The following WNK2 variants were observed in gnomAD, a reference collection of about 807,000 sequenced individuals.
WNK2 encodes WNK lysine deficient protein kinase 2.
Under a neutral mutation model 192.1 loss-of-function variants are expected in WNK2, and 67 were observed. The ratio of observed to expected loss-of-function variants is 0.35; its 90% confidence interval spans 0.29 to 0.43. WNK2 has a LOEUF of 0.43. WNK2 is among the 20% of genes least tolerant of loss of function. WNK2 has a pLI of 1.00. For missense variants in WNK2, 2,698 were observed against 3,089.7 expected, an observed-to-expected ratio of 0.87 and a Z score of 3.01; for synonymous variants, 1,439 against 1,393.9, an observed-to-expected ratio of 1.03 and a Z score of -0.72.
intron 23 of WNK2, among the ~76,000 whole-genome samples, chr9:93,296,456 T>TACCTTCCTCCTTCTCCATCCTC (rs1362408960): frequency 4.4e-5 from 1 of 22,916 alleles, no homozygotes. Context: ...ATCCTCCCCT[T>TACCTTCCTCCTTCTCCATCCTC]ACCTTCCTCC....
chr9:93,285,081 T>A (rs1031297605), intron 19 of WNK2, among the ~76,000 whole-genome samples: 2 of 152,246 alleles, frequency 1.3e-5, no homozygotes, highest in African/African-American at 4.8e-5. Context: ...TATTTTTTGT[T>A]AAGAATTTGG....
intron 29 of WNK2, 121 bp downstream of exon 29, chr9:93,317,752 C>T: frequency 4.8e-6 from 7 of 1,469,156 alleles, no homozygotes; most frequent in Non-Finnish European, 5.5e-6. Flanking sequence ...CAGCTGGGGG[C>T]ACAGGGCAGC....
In WNK2 at chr9:93,297,865, G is replaced by C; in HGVS notation, c.5721G>C (p.Glu1907Asp). 6.3e-7 allele frequency: 1 copy of C among 1,583,138 alleles called. No homozygotes were observed. Among genetic ancestry groups the C allele is most frequent in the East Asian group, 2.3e-5 (1 of 42,858 alleles). Residue 1907 changes from glutamate (E) to aspartate (D), a missense_variant, in exon 24 of 30, where the codon GAG (glutamate) becomes GAC (aspartate). Physicochemically the swap from Glu to Asp is conservative, Grantham distance 45. Transcript: ENST00000427277. ...TCCCCTCCTGCAGGCACCTGAAGGA[G>C]ATCTCGGAGCTGCAGAGCCAGCAGA... The part of the protein sequence containing the change: ...LQSLREKHLK[E>D]ISELQSQQKQ...
At position 93,317,525 on chromosome 9, in the gene WNK2, C is replaced by T. The variant is rs185607629; in HGVS notation, c.6522C>T (p.Thr2174=). ...WAAPGEARAM[T]APRAGVGMPR... is the part of the protein sequence containing the mutation. ...CTCGTCTCTGTGTTTTGTAGATGAC[C>T]GCACCTCGAGCAGGAGTGGGGATGC... The change falls in exon 29 of 30, where the codon ACC becomes ACT. Residue 2174 remains threonine, a synonymous_variant. Coordinates refer to ENST00000427277, the MANE Select transcript of WNK2 (RefSeq NM_006648.4). 133 of 1,613,638 alleles carry T rather than the reference C, an allele frequency of 8.2e-5. No homozygotes were observed. In the African/African-American group the frequency reaches 9.6e-4, roughly 12 times the overall value.
chr9:93,199,732 A>C (rs1831977501), intron 2 of WNK2, among the ~76,000 whole-genome samples: 1 of 151,916 alleles, frequency 6.6e-6, no homozygotes, highest in Non-Finnish European at 1.5e-5. Flanking sequence ...CCCCGTCTCT[A>C]CTAAAAATAC....
chr9:93,282,748 G>C (rs948253684), intron 19 of WNK2, among the ~76,000 whole-genome samples: 1 of 152,174 alleles, frequency 6.6e-6, no homozygotes, highest in Non-Finnish European at 1.5e-5. Context: ...GGAGATTTCA[G>C]CTTTTGGAAT....
At chr9:93,195,748 AC>A (rs1399974191) in intron 2 of WNK2, among the ~76,000 whole-genome samples, 1 of 151,172 alleles carries the variant, frequency 6.6e-6, no homozygotes, top group Non-Finnish European at 1.5e-5. Flanking sequence ...AAAAATATCA[AC>A]CATAATCCAA....
At chr9:93,271,731 G>A (rs1219999774) in intron 19 of WNK2, among the ~76,000 whole-genome samples, 1 of 152,206 alleles carries the variant, frequency 6.6e-6, no homozygotes, top group Non-Finnish European at 1.5e-5. Context: ...GAAAGAGAAA[G>A]AATGCAGTGC....
In WNK2 at chr9:93,291,501, T is replaced by G. The variant is rs369559452; in HGVS notation, c.4937-807T>G. Among the ~76,000 whole-genome samples, 16 of 152,160 alleles carry G rather than the reference T, an allele frequency of 1.1e-4. No homozygotes were observed. The South Asian group carries it at 1.2e-3, about 12-fold the overall frequency. ...AGCCCTGAAGGTGGGCATGGAGATA[T>G]GAGGAGGGGAGTCAGATGTTACATA... On this transcript the variant is annotated intron_variant, in intron 21 of 29. Coordinates refer to ENST00000427277, the MANE Select transcript of WNK2 (RefSeq NM_006648.4).
chr9:93,231,973 C>T (rs1838893023), intron 4 of WNK2, among the ~76,000 whole-genome samples: 1 of 152,112 alleles, frequency 6.6e-6, no homozygotes, highest in East Asian at 1.9e-4. Flanking sequence ...GTTTCTGGGG[C>T]CAGGATGATG....
intron 2 of WNK2, among the ~76,000 whole-genome samples, chr9:93,203,037 A>G (rs1412915754): frequency 6.7e-6 from 1 of 148,620 alleles, no homozygotes; most frequent in Non-Finnish European, 1.5e-5. Context: ...GCAGTGGAGG[A>G]TGGGGGGCAT....
chr9:93,263,337 G>A lies in WNK2; in HGVS notation c.3411-229G>A, dbSNP rs114229584. On this transcript the variant is annotated intron_variant, in intron 14 of 29. Coordinates refer to ENST00000427277, the MANE Select transcript of WNK2 (RefSeq NM_006648.4). ...TGAGAGGATCAAGGTAACGCAGCTAGTAGCTAGGAAGCCTGTGCTTCCTTC... is the reference window on the plus strand; with the variant it reads ...TGAGAGGATCAAGGTAACGCAGCTAATAGCTAGGAAGCCTGTGCTTCCTTC... 6.5e-3 allele frequency: 3,818 copies of A among 591,592 alleles called. 80 individuals carry two copies. The highest frequency in any genetic ancestry group is 0.041 in the East Asian group (1,427 of 34,784). 36.6% of individuals were successfully genotyped at this position (591,592 alleles called of 1,614,324 possible).
At chr9:93,284,932 C>G (rs1489963417) in intron 19 of WNK2, among the ~76,000 whole-genome samples, 1 of 152,218 alleles carries the variant, frequency 6.6e-6, no homozygotes, top group Non-Finnish European at 1.5e-5. Context: ...CTATTATCTA[C>G]TCCAATATCA....
rs368703582 is a variant in WNK2 at position 93,317,561 on chromosome 9, C to T, written c.6558C>T (p.Pro2186=). 1.2e-5 allele frequency: 20 copies of T among 1,613,510 alleles called. No homozygotes were observed. Among genetic ancestry groups the T allele is most frequent in the Middle Eastern group, 1.6e-4 (1 of 6,082 alleles). Residue 2186 remains proline (P), a synonymous_variant, in exon 29 of 30, where the codon CCC becomes CCT. Coordinates refer to ENST00000427277, the MANE Select transcript of WNK2 (RefSeq NM_006648.4). The part of the protein sequence containing the change: ...PRAGVGMPRL[P]PAPGPLSTTV... ...CAGGAGTGGGGATGCCACGTCTGCC[C>T]CCAGCGCCCGGCCCTCTGTCCACCA...
chr9:93,191,011 T>C (rs749636787), intron 2 of WNK2, among the ~76,000 whole-genome samples: 7 of 152,100 alleles, frequency 4.6e-5, no homozygotes, highest in Non-Finnish European at 8.8e-5. Context: ...AGGTGCAAGA[T>C]GGGGCCTGCG....
rs553979656 is a variant in WNK2 at position 93,308,443 on chromosome 9, G to C, written c.6375G>C (p.Leu2125=). ...NNKKGTFTDD[L]HKLVDEWTSK... Reference sequence around the variant, plus strand: ...AGAAGGGTACCTTCACGGACGACCTGCACAAGCTGGTGGACGAGTGGACGA... The same window carrying C: ...AGAAGGGTACCTTCACGGACGACCTCCACAAGCTGGTGGACGAGTGGACGA... Residue 2125 remains leucine, a synonymous_variant, in exon 28 of 30, where the codon CTG becomes CTC. Coordinates refer to ENST00000427277, the MANE Select transcript of WNK2 (RefSeq NM_006648.4). 1.9e-6 allele frequency: 3 copies of C among 1,609,804 alleles called. No homozygotes were observed. The East Asian group carries it at 6.7e-5, about 36-fold the overall frequency.
chr9:93,291,481 T>C (rs757790429), intron 21 of WNK2, among the ~76,000 whole-genome samples: 1 of 152,150 alleles, frequency 6.6e-6, no homozygotes, highest in Non-Finnish European at 1.5e-5. Flanking sequence ...CTCCTAGCCC[T>C]GAAGGTGGGC....
chr9:93,295,052 G>A (rs1850006894), intron 23 of WNK2, among the ~76,000 whole-genome samples: 1 of 152,164 alleles, frequency 6.6e-6, no homozygotes, highest in Non-Finnish European at 1.5e-5. Context: ...ATGAGCGTTG[G>A]GGTTTCCTAG....
Position 93,257,254 on chromosome 9 carries a change from G to T in WNK2, c.2382+115G>T. 3.3e-6 allele frequency: 4 copies of T among 1,211,410 alleles called. No individual in the cohort carries two copies. Among genetic ancestry groups the T allele is most frequent in the Non-Finnish European group, 4.5e-6 (4 of 881,246 alleles). 75.0% of individuals were successfully genotyped at this position (1,211,410 alleles called of 1,614,324 possible). A position where few individuals can be genotyped will look rare whatever the true frequency, so the allele number is the denominator to read the frequency against. On this transcript the variant is annotated intron_variant, in intron 11 of 29. Coordinates refer to ENST00000427277, the MANE Select transcript of WNK2 (RefSeq NM_006648.4). The surrounding 1 kb of genome is among the most constrained non-coding windows in gnomAD (Gnocchi z 4.7). ...CTGTGCATGTGACCTGTGACCTGGG[G>T]TTGGGCTGGCCAGGGAGTTGGGGCT...
Sources: allele counts gnomAD v4.1 joint callset (sites outside exome capture counted in the v4.1 genomes callset), GRCh38; gene constraint gnomAD v4.1.1; non-coding constraint Gnocchi (gnomAD v3.1); transcripts MANE v1.5; gene names NCBI Gene and HGNC (gene_info 2026-07-23, HGNC 2026-07-21).